The following REV3L variants were observed in gnomAD, a reference collection of about 807,000 sequenced individuals.
The protein encoded by REV3L is DNA polymerase zeta catalytic subunit.
Under a neutral mutation model 299.4 loss-of-function variants are expected in REV3L, and 69 were observed. That is an observed-to-expected ratio of 0.23 (90% CI 0.19 to 0.28). The LOEUF (loss-of-function observed/expected upper bound fraction) is 0.28, where lower values mean the gene tolerates loss of function less well. REV3L is among the 10% of genes least tolerant of loss of function. REV3L has a pLI of 1.00. For synonymous variants in REV3L, 1,238 were observed against 1,271.4 expected, an observed-to-expected ratio of 0.97 and a Z score of 0.56; for missense variants, 3,128 against 3,693.8, an observed-to-expected ratio of 0.85 and a Z score of 3.97.
Position 111,333,416 on chromosome 6 carries a change from T to C in REV3L, c.7681-49A>G, listed in dbSNP as rs375592204. On this transcript the variant is annotated intron_variant, in intron 22 of 31. Coordinates refer to ENST00000368802, the MANE Select transcript of REV3L (RefSeq NM_001372078.1). ...AAGAGAAGAAACACAGTTAAATATA[T>C]TGGTCATTTGAATATATAATCATTT... The C allele has an allele frequency of 1.0e-5, 16 of 1,595,192 alleles. No individual in the cohort carries two copies. In the African/African-American group the frequency reaches 1.3e-4, roughly 13 times the overall value.
intron 4 of REV3L, among the ~76,000 whole-genome samples, chr6:111,403,678 C>T (rs190231781): frequency 7.2e-5 from 11 of 152,244 alleles, no homozygotes; most frequent in Admixed American, 2.0e-4. Flanking sequence ...TGAGACACTA[C>T]GATATTGAAA....
At chr6:111,324,026 G>GTC (rs1774478112) in intron 25 of REV3L, among the ~76,000 whole-genome samples, 2 of 152,188 alleles carry the variant, frequency 1.3e-5, no homozygotes, top group African/African-American at 4.8e-5. Flanking sequence ...TTGAGACAGA[G>GTC]TCTCGTTCTG....
intron 16 of REV3L, chr6:111,360,687 G>C (rs1778565768): frequency 6.6e-6 from 1 of 151,992 alleles, no homozygotes; most frequent in South Asian, 2.1e-4. Flanking sequence ...ATGTTGCTCA[G>C]GCTGGTCTCG....
chr6:111,345,145 C>T (rs1356349892), intron 20 of REV3L, among the ~76,000 whole-genome samples: 1 of 152,060 alleles, frequency 6.6e-6, no homozygotes, highest in Non-Finnish European at 1.5e-5. Flanking sequence ...ATATTGAAAG[C>T]AGTAAATAGC....
In REV3L at chr6:111,389,434, A is replaced by T. The variant is rs575422701; in HGVS notation, c.758-224T>A. On this transcript the variant is annotated intron_variant, in intron 6 of 31. Coordinates refer to ENST00000368802, the MANE Select transcript of REV3L (RefSeq NM_001372078.1). ...CAAGTGAATACAATTCAAACATCTGATGATAGTCAATAGACCTAAGAGTCC... is the reference window on the plus strand; with the variant it reads ...CAAGTGAATACAATTCAAACATCTGTTGATAGTCAATAGACCTAAGAGTCC... Among the ~76,000 whole-genome samples, 36 of 152,316 alleles carry T rather than the reference A, an allele frequency of 2.4e-4. No homozygotes were observed. The South Asian group carries it at 7.5e-3, about 32-fold the overall frequency.
At chr6:111,413,509 C>A (rs1263194567) in intron 2 of REV3L, among the ~76,000 whole-genome samples, 4 of 151,898 alleles carry the variant, frequency 2.6e-5, no homozygotes, top group Non-Finnish European at 4.4e-5. Context: ...AGGTCATGAT[C>A]CTATCTCTTA....
intron 21 of REV3L, among the ~76,000 whole-genome samples, chr6:111,337,861 C>A (rs2114866922): frequency 6.6e-6 from 1 of 152,184 alleles, no homozygotes; most frequent in Middle Eastern, 3.4e-3. Flanking sequence ...TAATGGCTCA[C>A]CACTCCTTCA....
intron 1 of REV3L, among the ~76,000 whole-genome samples, chr6:111,462,351 A>T (rs1310927846): frequency 6.6e-6 from 1 of 152,184 alleles, no homozygotes; most frequent in East Asian, 1.9e-4. Context: ...AAGGCAAAGA[A>T]GATTTCAGAA....
chr6:111,337,448 CACTT>C (rs1469288060), intron 21 of REV3L, among the ~76,000 whole-genome samples: 1 of 152,044 alleles, frequency 6.6e-6, no homozygotes, highest in African/African-American at 2.4e-5. Flanking sequence ...TTAATCGAAA[CACTT>C]ACTGAATATC....
Position 111,299,259 on chromosome 6 carries a change from A to G in REV3L, c.*757T>C, listed in dbSNP as rs1048007689. On this transcript the variant is annotated 3_prime_UTR_variant, in exon 32 of 32. Coordinates refer to ENST00000368802, the MANE Select transcript of REV3L (RefSeq NM_001372078.1). The stretch of plus-strand genomic sequence containing the variant: ...TATTTTAAGTATATTTAGAAGCAAT[A>G]GAAATGTCTATACAAAACAAGCAAA... The G allele has an allele frequency of 6.5e-6, 1 of 152,672 alleles. No individual in the cohort carries two copies. Among genetic ancestry groups the G allele is most frequent in the Admixed American group, 6.5e-5 (1 of 15,288 alleles). The allele number at this position is 152,672 out of a possible 1,614,324, so 9.5% of individuals were successfully genotyped here. A position where few individuals can be genotyped will look rare whatever the true frequency, so the allele number is the denominator to read the frequency against.
intron 4 of REV3L, among the ~76,000 whole-genome samples, chr6:111,393,426 C>T (rs914339669): frequency 6.6e-6 from 1 of 152,142 alleles, no homozygotes; most frequent in African/African-American, 2.4e-5. Context: ...TTCATACATG[C>T]ATACAATCTG....
At position 111,343,913 on chromosome 6, in the gene REV3L, A is replaced by G. The variant is rs1776780376; in HGVS notation, c.7538+12T>C. 1 of 1,461,438 alleles carries G rather than the reference A, an allele frequency of 6.8e-7. No homozygotes were observed. The highest frequency in any genetic ancestry group is 1.8e-4 in the Middle Eastern group (1 of 5,642). The allele number at this position is 1,461,438 out of a possible 1,614,324, so 90.5% of individuals were successfully genotyped here. A position where few individuals can be genotyped will look rare whatever the true frequency, so the allele number is the denominator to read the frequency against. ...ATTTTATATTACCTTCTTCAGAGTTATAGAACAGTACCTGTATAGATCTGT... is the reference window on the plus strand; with the variant it reads ...ATTTTATATTACCTTCTTCAGAGTTGTAGAACAGTACCTGTATAGATCTGT... On this transcript the variant is annotated intron_variant, in intron 21 of 31. Transcript: ENST00000368802.
intron 4 of REV3L, among the ~76,000 whole-genome samples, 194 bp from the exon 5 acceptor site, chr6:111,393,166 T>C (rs1361183664): frequency 2.0e-5 from 3 of 151,750 alleles, no homozygotes; most frequent in African/African-American, 7.3e-5. Context: ...GTCTCCCGAG[T>C]AGCCTCCAAG....
intron 15 of REV3L, among the ~76,000 whole-genome samples, chr6:111,364,402 G>A (rs1779000927): frequency 6.6e-6 from 1 of 151,998 alleles, no homozygotes; most frequent in East Asian, 1.9e-4. Context: ...TATAACATGT[G>A]TCTGAAAGAT....
At chr6:111,443,587 G>C (rs1425882139) in intron 1 of REV3L, among the ~76,000 whole-genome samples, 1 of 152,140 alleles carries the variant, frequency 6.6e-6, no homozygotes, top group Non-Finnish European at 1.5e-5. Context: ...TTTACGCTAA[G>C]ACTACATTAG....
chr6:111,375,140 C>T lies in REV3L; in HGVS notation c.3215G>A (p.Arg1072Lys), dbSNP rs779450937. 1 of 1,608,114 alleles carries T rather than the reference C, an allele frequency of 6.2e-7. No individual in the cohort carries two copies. The highest frequency in any genetic ancestry group is 8.5e-7 in the Non-Finnish European group (1 of 1,178,416). The change falls in exon 13 of 32, where the codon AGA becomes AAA. Residue 1072 changes from arginine (R) to lysine (K), a missense_variant. Arg to Lys is a conservative substitution (Grantham distance 26). Around this residue, in one of 9 missense-constraint regions of REV3L, gnomAD observed 2,409 missense variants for 2,611.8 expected, o/e 0.92. Coordinates refer to ENST00000368802, the MANE Select transcript of REV3L (RefSeq NM_001372078.1). ...QQRTNNENIK[R>K]TLSFRKKRSH... Reference sequence around the variant, plus strand: ...CCGTTTTTTCCTGAAAGACAAAGTTCTTTTAATATTTTCATTATTTGTCCT... The same window carrying T: ...CCGTTTTTTCCTGAAAGACAAAGTTTTTTTAATATTTTCATTATTTGTCCT...
intron 1 of REV3L, among the ~76,000 whole-genome samples, chr6:111,419,764 C>T (rs1012942662): frequency 3.3e-5 from 5 of 152,160 alleles, no homozygotes; most frequent in African/African-American, 1.2e-4. Flanking sequence ...AGAAGTTCCA[C>T]ATACAGGATG....
At chr6:111,345,676 C>G (rs530507365) in intron 20 of REV3L, among the ~76,000 whole-genome samples, 5 of 152,094 alleles carry the variant, frequency 3.3e-5, no homozygotes, top group Admixed American at 6.6e-5. Context: ...GATGCTCTGA[C>G]CTCTCTGCTC....
intron 28 of REV3L, chr6:111,312,532 A>T (rs1307614755): frequency 2.6e-5 from 4 of 152,226 alleles, no homozygotes; most frequent in African/African-American, 9.6e-5. Context: ...CAAATAAATG[A>T]AAGTTCAGTT....
Sources: allele counts gnomAD v4.1 joint callset (sites outside exome capture counted in the v4.1 genomes callset), GRCh38; gene constraint gnomAD v4.1.1; regional missense constraint gnomAD v4.1.1; transcripts MANE v1.5; gene names NCBI Gene and HGNC (gene_info 2026-07-23, HGNC 2026-07-21).